The following LRTM1 variants were observed in gnomAD, a reference collection of about 807,000 sequenced individuals.
LRTM1 encodes leucine rich repeat transmembrane protein 1, also known as leucine-rich repeat and transmembrane domain-containing protein 1.
A neutral mutation model predicts 32.4 loss-of-function variants in LRTM1; 38 were observed. That is an observed-to-expected ratio of 1.17 (90% CI 0.91 to 1.54). LRTM1 has a LOEUF of 1.54. Among genes scored for constraint, LRTM1 ranks in the 40% most tolerant of loss-of-function variants. The probability of loss-of-function intolerance (pLI) is 0.00; values close to 1 mark genes in which losing one functional copy is unlikely to be tolerated. For missense variants in LRTM1, 466 were observed against 415.4 expected (o/e 1.12, Z -1.06); for synonymous variants, 186 against 169.9 (o/e 1.09, Z -0.74).
intron 1 of LRTM1, among the ~76,000 whole-genome samples, chr3:54,949,757 T>A (rs1701708713): frequency 6.6e-6 from 1 of 152,112 alleles, no homozygotes; most frequent in Non-Finnish European, 1.5e-5. Flanking sequence ...GTGACTGTGG[T>A]CTCTGCCACA....
intron 1 of LRTM1, among the ~76,000 whole-genome samples, chr3:54,948,286 A>C (rs1701667153): frequency 6.6e-6 from 1 of 152,218 alleles, no homozygotes; most frequent in Non-Finnish European, 1.5e-5. Context: ...GCCCATCCAG[A>C]TGAGTAATTC....
At chr3:54,963,883 T>TAGAGAGTTGGGAAAAGAGGAAGTC (rs1387397778) in intron 1 of LRTM1, among the ~76,000 whole-genome samples, 4 of 152,182 alleles carry the variant, frequency 2.6e-5, no homozygotes, top group African/African-American at 9.7e-5. Context: ...AGAAGGAAGT[T>TAGAGAGTTGGGAAAAGAGGAAGTC]AGACAGTTGG....
intron 1 of LRTM1, among the ~76,000 whole-genome samples, chr3:54,951,520 G>A (rs1701756368): frequency 1.3e-5 from 2 of 152,192 alleles, no homozygotes; most frequent in South Asian, 4.1e-4. Flanking sequence ...CAGTTACTGT[G>A]AACTTTGAAG....
chr3:54,922,926 T>C (rs1384375186), intron 2 of LRTM1, among the ~76,000 whole-genome samples: 1 of 152,018 alleles, frequency 6.6e-6, no homozygotes, highest in East Asian at 1.9e-4. Flanking sequence ...TATGGTCTTC[T>C]CTTAGTCATC....
chr3:54,943,144 G>C (rs1339094854), intron 1 of LRTM1, among the ~76,000 whole-genome samples: 6 of 151,816 alleles, frequency 4.0e-5, no homozygotes, highest in African/African-American at 1.5e-4. Context: ...CGAGGCTACA[G>C]TGGACTATGA....
upstream of LRTM1, among the ~76,000 whole-genome samples, chr3:54,928,725 G>A (rs368262731): frequency 7.1e-5 from 9 of 127,234 alleles, no homozygotes; most frequent in South Asian, 5.6e-4. Flanking sequence ...CCCAGCCCCC[G>A]AGTTGAATTG....
intron 1 of LRTM1, among the ~76,000 whole-genome samples, chr3:54,963,583 G>A (rs1702080959): frequency 6.6e-6 from 1 of 152,320 alleles, no homozygotes; most frequent in East Asian, 1.9e-4. Context: ...CACAGGATCA[G>A]AGCATTCAAG....
In LRTM1 at chr3:54,926,162, A is replaced by G. The variant is rs114448351; in HGVS notation, c.8-947T>C. On this transcript the variant is annotated intron_variant, in intron 1 of 2. Coordinates refer to ENST00000273286, the MANE Select transcript of LRTM1 (RefSeq NM_020678.4). ...CTGATGTATCCCTCCAGACATTTTA[A>G]AAACAATCATTAGTAATGACAAAAA... Among the ~76,000 whole-genome samples the G allele has an allele frequency of 2.8e-3, 425 of 152,300 alleles. 2 individuals carry two copies. The highest frequency in any genetic ancestry group is 9.8e-3 in the African/African-American group (409 of 41,560).
At chr3:54,926,806 A>G (rs1701035466) in intron 1 of LRTM1, among the ~76,000 whole-genome samples, 1 of 152,106 alleles carries the variant, frequency 6.6e-6, no homozygotes, top group African/African-American at 2.4e-5. Flanking sequence ...GATGCTGTAA[A>G]ACAGCATCCT....
chr3:54,957,466 A>G (rs1701928149), intron 1 of LRTM1, among the ~76,000 whole-genome samples: 2 of 152,192 alleles, frequency 1.3e-5, no homozygotes, highest in Non-Finnish European at 2.9e-5. Context: ...AATTTTCATC[A>G]TGGAATAAGT....
At chr3:54,922,186 T>G (rs1052886746) in intron 2 of LRTM1, among the ~76,000 whole-genome samples, 1 of 152,190 alleles carries the variant, frequency 6.6e-6, no homozygotes, top group African/African-American at 2.4e-5. Flanking sequence ...GACTTAAAAC[T>G]ATCAGTTTCC....
At chr3:54,928,197 C>T (rs1701082605), upstream of LRTM1, 2 of 454,414 alleles carry the variant, frequency 4.4e-6, no homozygotes, top group African/African-American at 2.0e-5. Context: ...AGGATCATCC[C>T]TGCCTTTCCC....
At chr3:54,920,795 A>G (rs961798807) in intron 2 of LRTM1, among the ~76,000 whole-genome samples, 3 of 152,196 alleles carry the variant, frequency 2.0e-5, no homozygotes, top group Non-Finnish European at 2.9e-5. Context: ...GGACAGGTTC[A>G]TCAGCTGACT....
At chr3:54,929,424 C>T (rs1271840995), upstream of LRTM1, among the ~76,000 whole-genome samples, 3 of 152,184 alleles carry the variant, frequency 2.0e-5, no homozygotes, top group Admixed American at 6.5e-5. Flanking sequence ...CCTGGCCCTT[C>T]GTGCCACTCT....
intron 2 of LRTM1, among the ~76,000 whole-genome samples, chr3:54,919,668 C>T (rs1324342963): frequency 1.3e-5 from 2 of 152,222 alleles, no homozygotes; most frequent in African/African-American, 4.8e-5. Flanking sequence ...GAAGTCTAGT[C>T]TAGTGTGACC....
At chr3:54,940,364 T>C (rs528239307) in intron 1 of LRTM1, among the ~76,000 whole-genome samples, 1 of 152,366 alleles carries the variant, frequency 6.6e-6, no homozygotes, top group South Asian at 2.1e-4. Flanking sequence ...TATACTTTGA[T>C]GTATTAAAAT....
intron 1 of LRTM1, among the ~76,000 whole-genome samples, chr3:54,961,074 G>T (rs1702020825): frequency 6.6e-6 from 1 of 152,162 alleles, no homozygotes; most frequent in African/African-American, 2.4e-5. Context: ...AAAACAAACA[G>T]AAGAAAACAT....
At chr3:54,962,046 TGA>T (rs1333966472) in intron 1 of LRTM1, among the ~76,000 whole-genome samples, 1 of 125,528 alleles carries the variant, frequency 8.0e-6, no homozygotes, top group East Asian at 2.7e-4. Flanking sequence ...CCCACTCTCA[TGA>T]TAACTCATTA....
At chr3:54,964,553 G>A (rs1367053439) in intron 1 of LRTM1, among the ~76,000 whole-genome samples, 1 of 152,098 alleles carries the variant, frequency 6.6e-6, no homozygotes, top group Non-Finnish European at 1.5e-5. Flanking sequence ...AAAATAGACG[G>A]GCTTGACAAA....
Sources: gnomAD v4.1 joint callset for allele counts (sites outside exome capture counted in the v4.1 genomes callset) on GRCh38, gnomAD v4.1.1 for gene constraint, MANE v1.5 for transcripts, NCBI Gene and HGNC (gene_info 2026-07-23, HGNC 2026-07-21) for gene names.